LARGE1: variants seen among roughly 807,000 people sequenced by gnomAD.
The protein encoded by LARGE1 is xylosyl- and glucuronyltransferase LARGE1.
In LARGE1, 43 loss-of-function variants were observed where a neutral mutation model predicts 87.6. The ratio of observed to expected loss-of-function variants is 0.49; its 90% CI spans 0.38 to 0.63. LARGE1 has a LOEUF of 0.63. Ranked by LOEUF, LARGE1 falls within the 30% of genes least tolerant of loss-of-function variation. The pLI is 0.00. For missense variants in LARGE1, 802 were observed against 1,000.2 expected (o/e 0.80, Z 2.67); for synonymous variants, 434 against 394.6 (o/e 1.10, Z -1.18).
chr22:33,258,200 T>C (rs1927422659), intron 11 of LARGE1, among the ~76,000 whole-genome samples: 1 of 152,056 alleles, frequency 6.6e-6, no homozygotes, highest in African/African-American at 2.4e-5. Context: ...CCGGCTAATT[T>C]TTGTATTTTT....
At chr22:33,811,799 A>G (rs113814879) in intron 1 of LARGE1, among the ~76,000 whole-genome samples, 3 of 152,226 alleles carry the variant, frequency 2.0e-5, no homozygotes, top group South Asian at 2.1e-4. Flanking sequence ...TTCTGGCAGT[A>G]TAAGAATGAT....
intron 1 of LARGE1, among the ~76,000 whole-genome samples, chr22:33,776,508 A>G (rs2085242974): frequency 1.3e-5 from 2 of 152,162 alleles, no homozygotes; most frequent in African/African-American, 4.8e-5. Flanking sequence ...GCTGGTTTTT[A>G]TGTTTTTCTT....
intron 11 of LARGE1, among the ~76,000 whole-genome samples, chr22:33,304,865 G>C (rs1934659932): frequency 6.6e-6 from 1 of 152,172 alleles, no homozygotes; most frequent in African/African-American, 2.4e-5. Context: ...AAAAAGCTCT[G>C]CTGATCTCCT....
At chr22:33,271,464 A>G (rs1023095460), downstream of LARGE1, among the ~76,000 whole-genome samples, 1 of 152,236 alleles carries the variant, frequency 6.6e-6, no homozygotes, top group African/African-American at 2.4e-5. Context: ...GCTTCTGCAC[A>G]TAGTGGTTAC....
At chr22:33,100,349 C>CAAAAAAAAAAAAAAAAA in the LARGE1 span, among the ~76,000 whole-genome samples, 1 of 65,322 alleles carries the variant, frequency 1.5e-5, no homozygotes, top group Admixed American at 1.8e-4. Context: ...GACTCCATCT[C>CAAAAAAAAAAAAAAAAA]AAAAAAAAAA....
At chr22:33,853,904 C>T (rs1424606827) in intron 1 of LARGE1, among the ~76,000 whole-genome samples, 1 of 152,160 alleles carries the variant, frequency 6.6e-6, no homozygotes, top group Non-Finnish European at 1.5e-5. Flanking sequence ...GAGAACACCT[C>T]TCAGTTCAGC....
exon 12 of LARGE1, chr22:33,162,865 T>C (rs1234403095): frequency 6.6e-6 from 1 of 152,194 alleles, no homozygotes; most frequent in African/African-American, 2.4e-5. Flanking sequence ...TTGTCACCAA[T>C]TAAAAGGTTA....
intron 5 of LARGE1, among the ~76,000 whole-genome samples, chr22:33,585,419 A>G (rs1289859574): frequency 6.6e-6 from 1 of 152,176 alleles, no homozygotes; most frequent in African/African-American, 2.4e-5. Flanking sequence ...AAGACAGGTC[A>G]TGGGCCTGAG....
intron 1 of LARGE1, among the ~76,000 whole-genome samples, chr22:33,818,398 T>G (rs1301624840): frequency 6.6e-6 from 1 of 152,092 alleles, no homozygotes; most frequent in Non-Finnish European, 1.5e-5. Context: ...AGGTGTTCAA[T>G]GAATATTTTC....
At chr22:33,872,668 C>T (rs1259493948) in intron 1 of LARGE1, among the ~76,000 whole-genome samples, 1 of 152,098 alleles carries the variant, frequency 6.6e-6, no homozygotes, top group East Asian at 1.9e-4. Flanking sequence ...AGCACACTGG[C>T]AGGAAGAGCC....
Position 33,524,287 on chromosome 22 carries a change from CT to C in LARGE1, c.787+40560del, listed in dbSNP as rs1435433343. Among the ~76,000 whole-genome samples the C allele has an allele frequency of 1.1e-4, 8 of 72,426 alleles. No individual in the cohort carries two copies. In the Admixed American group the frequency reaches 1.3e-3, roughly 11 times the overall value. The allele number at this position is 72,426 out of a possible 152,430, so 47.5% of individuals were successfully genotyped here. On this transcript the variant is annotated intron_variant, in intron 6 of 14. Transcript: ENST00000397394. ...GCCTGGGCAACAGAGTGAGACTCCC[CT>C]CAAAAAAAAAAAAATAATAATAATA...
chr22:33,585,290 T>A (rs1313206565), intron 5 of LARGE1, among the ~76,000 whole-genome samples: 3 of 152,098 alleles, frequency 2.0e-5, no homozygotes, highest in Middle Eastern at 3.2e-3. Context: ...TCCAGAGAGC[T>A]ACACTTCAGA....
chr22:33,812,562 A>G (rs546666247), intron 1 of LARGE1, among the ~76,000 whole-genome samples: 5 of 152,180 alleles, frequency 3.3e-5, no homozygotes, highest in Non-Finnish European at 7.3e-5. Flanking sequence ...GCCTCACTCA[A>G]TCACACATTC....
intron 1 of LARGE1, among the ~76,000 whole-genome samples, chr22:33,902,874 G>A (rs766930626): frequency 3.3e-5 from 5 of 152,202 alleles, no homozygotes; most frequent in African/African-American, 4.8e-5. Flanking sequence ...GCTTATGTCT[G>A]TAATCCCAGC....
At chr22:33,359,946 C>T (rs1164230176) in intron 9 of LARGE1, among the ~76,000 whole-genome samples, 1 of 149,494 alleles carries the variant, frequency 6.7e-6, no homozygotes, top group Admixed American at 6.6e-5. Context: ...CTATAAGGAA[C>T]ATCTGAGCCC....
intron 1 of LARGE1, among the ~76,000 whole-genome samples, chr22:33,834,017 A>T (rs901123641): frequency 3.3e-5 from 5 of 152,134 alleles, no homozygotes; most frequent in Non-Finnish European, 7.4e-5. Flanking sequence ...AGAACACTGG[A>T]ATTCGGGGAA....
rs573608526 is a variant in LARGE1 at position 33,863,057 on chromosome 22, G to A, written c.-83+56938C>T. 1.3e-3 allele frequency among the ~76,000 whole-genome samples: 204 copies of A among 152,282 alleles called. 1 individual carries two copies. Among genetic ancestry groups the A allele is most frequent in the Non-Finnish European group, 2.4e-3 (165 of 68,026 alleles). On this transcript the variant is annotated intron_variant, in intron 1 of 14. Coordinates refer to ENST00000397394, the MANE Select transcript of LARGE1 (RefSeq NM_133642.5). Reference sequence around the variant, plus strand: ...AGGAATGTGTTGCAGAAAGCGGTTTGCCTCCATACTGAGCCCAGCAGGGAA... The same window carrying A: ...AGGAATGTGTTGCAGAAAGCGGTTTACCTCCATACTGAGCCCAGCAGGGAA...
intron 7 of LARGE1, among the ~76,000 whole-genome samples, chr22:33,426,856 T>G (rs1340911340): frequency 6.6e-6 from 1 of 152,242 alleles, no homozygotes; most frequent in African/African-American, 2.4e-5. Flanking sequence ...AAAAAGCACA[T>G]TCTCTGGCTA....
At chr22:33,394,741 G>GTGTA (rs1175464267) in intron 7 of LARGE1, among the ~76,000 whole-genome samples, 1 of 140,792 alleles carries the variant, frequency 7.1e-6, no homozygotes, top group Non-Finnish European at 1.5e-5. Flanking sequence ...GTGTGTGTGT[G>GTGTA]TGTATGTGTG....
Sources: gnomAD v4.1 joint callset for allele counts (sites outside exome capture counted in the v4.1 genomes callset) on GRCh38, gnomAD v4.1.1 for gene constraint, MANE v1.5 for transcripts, NCBI Gene and HGNC (gene_info 2026-07-23, HGNC 2026-07-21) for gene names.